The following CPED1 variants were observed in gnomAD, a reference collection of about 807,000 sequenced individuals.
The protein encoded by CPED1 is cadherin-like and PC-esterase domain-containing protein 1.
Under a neutral mutation model 128.2 loss-of-function variants are expected in CPED1, and 114 were observed. That is an observed-to-expected ratio of 0.89 (90% CI 0.76 to 1.04). The LOEUF (loss-of-function observed/expected upper bound fraction) is 1.04, where lower values mean the gene tolerates loss of function less well. CPED1 is among the 50% of genes least tolerant of loss of function. CPED1 has a pLI of 0.00. For synonymous variants in CPED1, 462 were observed against 426.7 expected, an observed-to-expected ratio of 1.08 and a Z score of -1.02; for missense variants, 1,211 against 1,207.1, an observed-to-expected ratio of 1.00 and a Z score of -0.05.
intron 16 of CPED1, among the ~76,000 whole-genome samples, chr7:121,213,008 T>C (rs1366831346): frequency 6.6e-6 from 1 of 151,986 alleles, no homozygotes; most frequent in Non-Finnish European, 1.5e-5. Context: ...CTGATTTATG[T>C]ACATGCTGGC....
intron 16 of CPED1, among the ~76,000 whole-genome samples, chr7:121,222,739 G>A (rs4621744): frequency 0.98 from 149,992 of 152,290 alleles, 73,907 homozygotes; most frequent in East Asian, 1. Flanking sequence ...GAATTCACTC[G>A]TGATTTGGCT....
At chr7:121,282,855 T>C (rs1232436520) in intron 22 of CPED1, among the ~76,000 whole-genome samples, 2 of 152,116 alleles carry the variant, frequency 1.3e-5, no homozygotes, top group African/African-American at 4.8e-5. Flanking sequence ...CTTTATATAG[T>C]CCCCTTGAGG....
chr7:121,119,397 C>G (rs1795331349), intron 7 of CPED1, among the ~76,000 whole-genome samples: 1 of 151,016 alleles, frequency 6.6e-6, no homozygotes, highest in African/African-American at 2.4e-5. Context: ...CAACTCCTGA[C>G]CTCGTGATCC....
chr7:121,085,578 T>G (rs1794404220), intron 5 of CPED1, among the ~76,000 whole-genome samples: 1 of 152,184 alleles, frequency 6.6e-6, no homozygotes, highest in Non-Finnish European at 1.5e-5. Flanking sequence ...CCTTTCTTTT[T>G]TGTCATCCTG....
chr7:121,098,816 T>TATAA (rs1563024971), intron 6 of CPED1, among the ~76,000 whole-genome samples: 1 of 135,268 alleles, frequency 7.4e-6, no homozygotes, highest in African/African-American at 3.2e-5. Flanking sequence ...ATATAAATAA[T>TATAA]ATATATATAA....
At chr7:121,153,197 T>C (rs1028266708) in intron 16 of CPED1, among the ~76,000 whole-genome samples, 14 of 152,194 alleles carry the variant, frequency 9.2e-5, no homozygotes, top group African/African-American at 2.7e-4. Flanking sequence ...ATAATCATAA[T>C]GTAATTTAAT....
intron 7 of CPED1, among the ~76,000 whole-genome samples, chr7:121,116,609 A>C (rs868800549): frequency 6.6e-6 from 1 of 152,310 alleles, no homozygotes; most frequent in Middle Eastern, 3.4e-3. Flanking sequence ...GAAAGTAAAA[A>C]TACAGATGAT....
At chr7:121,054,118 C>T in intron 4 of CPED1, among the ~76,000 whole-genome samples, 1 of 152,154 alleles carries the variant, frequency 6.6e-6, no homozygotes, top group East Asian at 1.9e-4. Flanking sequence ...TAGGTGTGCC[C>T]ATTGCTACTA....
rs866946606 is a variant in CPED1 at position 121,027,009 on chromosome 7, T to A, written c.433+11161T>A. Among the ~76,000 whole-genome samples, 1,155 of 151,056 alleles carry A rather than the reference T, an allele frequency of 7.6e-3. 20 individuals carry two copies. The highest frequency in any genetic ancestry group is 0.027 in the African/African-American group (1,099 of 41,206). ...CAAGCCCAGCTAATTTTTCTTATTT[T>A]TTTTTTTTTTTGTAGAGAGGGGAAT... On this transcript the variant is annotated intron_variant, in intron 3 of 22. Transcript: ENST00000310396.
At chr7:121,093,633 A>G (rs991485385) in intron 5 of CPED1, among the ~76,000 whole-genome samples, 2 of 152,160 alleles carry the variant, frequency 1.3e-5, no homozygotes, top group Non-Finnish European at 2.9e-5. Flanking sequence ...GAGATTGAGG[A>G]CAGGAGGAAA....
At chr7:121,075,396 C>T (rs1455420736) in intron 5 of CPED1, among the ~76,000 whole-genome samples, 1 of 152,126 alleles carries the variant, frequency 6.6e-6, no homozygotes, top group Non-Finnish European at 1.5e-5. Flanking sequence ...TGATTTAATA[C>T]TGCATTTTTA....
chr7:121,241,292 G>C (rs2116679550), intron 17 of CPED1, among the ~76,000 whole-genome samples: 1 of 41,878 alleles, frequency 2.4e-5, no homozygotes, highest in South Asian at 8.2e-4. Flanking sequence ...AGCTTGCAGT[G>C]AGCCGAGATC....
At chr7:121,013,332 C>T (rs952749053) in intron 2 of CPED1, among the ~76,000 whole-genome samples, 2 of 152,210 alleles carry the variant, frequency 1.3e-5, no homozygotes, top group African/African-American at 4.8e-5. Flanking sequence ...CAATAAAGCA[C>T]AGTGTGTTTT....
At chr7:121,133,778 T>G in intron 12 of CPED1, 45 bp from the exon 13 acceptor site, 1 of 1,294,088 alleles carries the variant, frequency 7.7e-7, no homozygotes, top group Non-Finnish European at 1.1e-6. Flanking sequence ...TCCACGCGTT[T>G]TGTTCATTTC....
intron 16 of CPED1, among the ~76,000 whole-genome samples, chr7:121,232,595 T>C (rs1425923686): frequency 6.6e-6 from 1 of 152,132 alleles, no homozygotes; most frequent in Non-Finnish European, 1.5e-5. Flanking sequence ...TCCCCAGGAA[T>C]GTCAGTTCTT....
At chr7:121,209,103 AT>A (rs1797587057) in intron 16 of CPED1, among the ~76,000 whole-genome samples, 1 of 152,004 alleles carries the variant, frequency 6.6e-6, no homozygotes, top group East Asian at 1.9e-4. Context: ...TTTGTTTATA[AT>A]TTTAAGAAAA....
chr7:121,068,256 T>A (rs1391588827), intron 5 of CPED1, among the ~76,000 whole-genome samples: 1 of 152,218 alleles, frequency 6.6e-6, no homozygotes, highest in African/African-American at 2.4e-5. Flanking sequence ...AGGTCTAACA[T>A]TTAAGTCTTT....
chr7:121,136,231 T>C, intron 14 of CPED1, 141 bp downstream of exon 14: 1 of 770,432 alleles, frequency 1.3e-6, no homozygotes, highest in Non-Finnish European at 2.0e-6. Flanking sequence ...TTATTAGATT[T>C]CCAATGGAGT....
chr7:121,116,972 A>G (rs1042517015), intron 7 of CPED1, among the ~76,000 whole-genome samples: 1 of 142,496 alleles, frequency 7.0e-6, no homozygotes, highest in East Asian at 2.4e-4. Flanking sequence ...CTATATATAT[A>G]TATATACACA....
Sources: allele counts gnomAD v4.1 joint callset (sites outside exome capture counted in the v4.1 genomes callset), GRCh38; gene constraint gnomAD v4.1.1; transcripts MANE v1.5; gene names NCBI Gene and HGNC (gene_info 2026-07-23, HGNC 2026-07-21).